Variants in RBFOX3 observed in about 807,000 individuals in gnomAD.
RBFOX3 encodes the protein RNA binding fox-1 homolog 3, also known as RNA binding protein fox-1 homolog 3.
A neutral mutation model predicts 48.7 loss-of-function variants in RBFOX3; 17 were observed. The observed-to-expected ratio is 0.35, with a 90% CI of 0.24 to 0.52. RBFOX3 has a LOEUF of 0.52. Ranked by LOEUF, RBFOX3 falls within the 20% of genes least tolerant of loss-of-function variation. RBFOX3 has a pLI of 0.94. For synonymous variants in RBFOX3, 212 were observed against 209.5 expected (o/e 1.01, Z -0.10); for missense variants, 382 against 497.5 (o/e 0.77, Z 2.21).
At chr17:79,320,393 C>A (rs530280097) in intron 2 of RBFOX3, among the ~76,000 whole-genome samples, 28 of 152,350 alleles carry the variant, frequency 1.8e-4, no homozygotes, top group African/African-American at 6.3e-4. Context: ...GCAGCAGGAT[C>A]CCACGTCGTG....
At chr17:79,136,536 A>C (rs1030910934) in intron 4 of RBFOX3, 1 of 152,332 alleles carries the variant, frequency 6.6e-6, no homozygotes, top group African/African-American at 2.4e-5. Context: ...ACCTGCACCA[A>C]ATGGGTCCAT....
intron 3 of RBFOX3, among the ~76,000 whole-genome samples, chr17:79,257,393 C>A (rs1050545027): frequency 6.6e-6 from 1 of 152,198 alleles, no homozygotes; most frequent in Non-Finnish European, 1.5e-5. Flanking sequence ...AAACCCGAGA[C>A]CAAAAAGATG....
intron 9 of RBFOX3, among the ~76,000 whole-genome samples, chr17:79,101,013 G>A (rs1326457473): frequency 1.3e-5 from 2 of 152,152 alleles, no homozygotes; most frequent in Non-Finnish European, 2.9e-5. Context: ...TCCGAAATCT[G>A]AGCACCTCCC....
chr17:79,333,287 T>C (rs1193519916), intron 2 of RBFOX3, among the ~76,000 whole-genome samples: 1 of 152,120 alleles, frequency 6.6e-6, no homozygotes, highest in East Asian at 1.9e-4. Context: ...TGAACTATTT[T>C]CATTAAAAGA....
At chr17:79,542,758 G>A (rs1399446251) in intron 1 of RBFOX3, among the ~76,000 whole-genome samples, 1 of 152,176 alleles carries the variant, frequency 6.6e-6, no homozygotes, top group African/African-American at 2.4e-5. Context: ...ACTCCAGCCT[G>A]GGCAACAGAG....
chr17:79,639,209 C>T, the RBFOX3 span, among the ~76,000 whole-genome samples: 2 of 151,886 alleles, frequency 1.3e-5, no homozygotes, highest in African/African-American at 4.8e-5. Flanking sequence ...GAGTCTCACT[C>T]TGTCGCCCAG....
chr17:79,094,373 C>A, intron 14 of RBFOX3, 78 bp downstream of exon 14: 1 of 1,086,034 alleles, frequency 9.2e-7, no homozygotes, highest in South Asian at 1.6e-5. Context: ...AGGGCTCGGC[C>A]TCTCCCCCAA....
chr17:79,126,922 G>T (rs1304883302), intron 4 of RBFOX3, among the ~76,000 whole-genome samples: 2 of 152,182 alleles, frequency 1.3e-5, no homozygotes, highest in Non-Finnish European at 2.9e-5. Context: ...GGCTTTGCAG[G>T]CATCCCACAG....
Position 79,393,948 on chromosome 17 carries a change from C to T in RBFOX3, c.-174-86124G>A, listed in dbSNP as rs1474990038. On this transcript the variant is annotated intron_variant, in intron 2 of 14. Transcript: ENST00000693108. ...CTGAGCCGGTCATCATACACATCATCTGAGCCGGTCACCACGCACATCGTC... is the reference window on the plus strand; with the variant it reads ...CTGAGCCGGTCATCATACACATCATTTGAGCCGGTCACCACGCACATCGTC... 2.0e-5 allele frequency among the ~76,000 whole-genome samples: 3 copies of T among 152,036 alleles called. No individual in the cohort carries two copies. In the East Asian group the frequency reaches 5.8e-4, roughly 29 times the overall value.
rs571934864 is a variant in RBFOX3, at chr17:79,390,560, G to A, written c.-174-82736C>T. Among the ~76,000 whole-genome samples the A allele has an allele frequency of 4.0e-5, 6 of 150,644 alleles. No individual in the cohort carries two copies. Among genetic ancestry groups the A allele is most frequent in the Non-Finnish European group, 5.9e-5 (4 of 67,888 alleles). On this transcript the variant is annotated intron_variant, in intron 2 of 14. Transcript: ENST00000693108. This position sits in a 1 kb window ranked among gnomAD's most constrained non-coding sequence, Gnocchi z 4.2. ...TGGCACAATCTCGGCTCACTACAAC[G>A]TCTGCCTCTCAGGTTCAAGTGATTC... is the stretch of plus-strand genomic sequence containing the variant.
At chr17:79,623,849 G>A in the RBFOX3 span, among the ~76,000 whole-genome samples, 1 of 142,048 alleles carries the variant, frequency 7.0e-6, no homozygotes, top group Non-Finnish European at 1.5e-5. Flanking sequence ...AAAAGTGGAG[G>A]AGGCAAGAGA....
At chr17:79,099,853 A>G (rs1195991798) in intron 9 of RBFOX3, 1 of 152,186 alleles carries the variant, frequency 6.6e-6, no homozygotes, top group East Asian at 1.9e-4. Flanking sequence ...TTTGTTTTCT[A>G]CAATGGAAAC....
chr17:79,647,626 G>A, the RBFOX3 span, among the ~76,000 whole-genome samples: 1 of 152,142 alleles, frequency 6.6e-6, no homozygotes, highest in African/African-American at 2.4e-5. Context: ...TCCCACATCT[G>A]TGGGAGCACC....
chr17:79,658,672 CCT>C, the RBFOX3 span, among the ~76,000 whole-genome samples: 2,948 of 152,186 alleles, frequency 0.019, 91 homozygotes, highest in African/African-American at 0.067. Context: ...TGCCTCCTCC[CCT>C]GAGGCCAGTA....
upstream of RBFOX3, among the ~76,000 whole-genome samples, chr17:79,611,130 T>TCTCTCTCTCTCTCTCTCTC (rs1491548376): frequency 0.017 from 649 of 37,808 alleles, 290 homozygotes; most frequent in Middle Eastern, 0.074. Context: ...TCCGCCCTCC[T>TCTCTCTCTCTCTCTCTCTC]TCTCTCTCTC....
chr17:79,338,403 C>T (rs541909795), intron 2 of RBFOX3, among the ~76,000 whole-genome samples: 3 of 152,042 alleles, frequency 2.0e-5, no homozygotes, highest in Admixed American at 1.3e-4. Context: ...AGTATTGCAA[C>T]CCTTCTATGA....
chr17:79,543,484 A>G (rs1233500694), intron 1 of RBFOX3, among the ~76,000 whole-genome samples: 1 of 151,932 alleles, frequency 6.6e-6, no homozygotes, highest in African/African-American at 2.4e-5. Flanking sequence ...CAGGTACTCA[A>G]CACCCCTACG....
At chr17:79,338,137 C>T (rs2146561427) in intron 2 of RBFOX3, among the ~76,000 whole-genome samples, 1 of 152,232 alleles carries the variant, frequency 6.6e-6, no homozygotes, top group South Asian at 2.1e-4. Flanking sequence ...CGGGGTTTCA[C>T]CATGTTGGTC....
intron 2 of RBFOX3, among the ~76,000 whole-genome samples, chr17:79,339,874 C>T (rs1463863410): frequency 5.9e-5 from 9 of 152,212 alleles, no homozygotes; most frequent in African/African-American, 1.7e-4. Context: ...CTACATTCTA[C>T]GACTCCAGCC....
Sources: allele counts gnomAD v4.1 joint callset (sites outside exome capture counted in the v4.1 genomes callset), GRCh38; gene constraint gnomAD v4.1.1; non-coding constraint Gnocchi (gnomAD v3.1); transcripts MANE v1.5; gene names NCBI Gene and HGNC (gene_info 2026-07-23, HGNC 2026-07-21).